MICU2: variants seen among roughly 807,000 people sequenced by gnomAD.
MICU2 encodes the protein mitochondrial calcium uptake 2, also known as calcium uptake protein 2, mitochondrial.
In MICU2, 64 loss-of-function variants were observed where a neutral mutation model predicts 60.4. The observed-to-expected ratio is 1.06, with a 90% CI of 0.87 to 1.31. The LOEUF (loss-of-function observed/expected upper bound fraction) is 1.31. MICU2 is among the 50% of genes most tolerant of loss of function. The pLI, the probability that MICU2 is intolerant of heterozygous loss-of-function variation, is 0.00. For synonymous variants in MICU2, 201 were observed against 175.0 expected, an observed-to-expected ratio of 1.15 and a Z score of -1.17; for missense variants, 569 against 531.0, an observed-to-expected ratio of 1.07 and a Z score of -0.70.
chr13:21,582,022 C>T (rs1001246174), intron 1 of MICU2, among the ~76,000 whole-genome samples: 2 of 152,168 alleles, frequency 1.3e-5, no homozygotes, highest in African/African-American at 4.8e-5. Context: ...GCAACAAAGC[C>T]ACTGCGGGGT....
chr13:21,520,700 G>A (rs2138164563), intron 6 of MICU2, among the ~76,000 whole-genome samples: 1 of 151,600 alleles, frequency 6.6e-6, no homozygotes, highest in East Asian at 1.9e-4. Flanking sequence ...TTTGGGAACG[G>A]AGTCAAATTT....
intron 2 of MICU2, among the ~76,000 whole-genome samples, chr13:21,549,159 G>C (rs1276700182): frequency 6.6e-6 from 1 of 151,848 alleles, no homozygotes; most frequent in African/African-American, 2.4e-5. Flanking sequence ...TTGATCTCCT[G>C]ACCTCGTGAT....
chr13:21,548,276 G>A (rs1887462384), intron 2 of MICU2, among the ~76,000 whole-genome samples: 2 of 152,174 alleles, frequency 1.3e-5, no homozygotes, highest in Admixed American at 1.3e-4. Context: ...CTGAATGGTG[G>A]TGACAATCTG....
intron 4 of MICU2, among the ~76,000 whole-genome samples, chr13:21,536,219 G>C (rs981564413): frequency 2.6e-5 from 4 of 152,022 alleles, no homozygotes; most frequent in African/African-American, 7.2e-5. Context: ...TACAGAAATA[G>C]ATATTTATCA....
chr13:21,583,166 G>A (rs1422429655), intron 1 of MICU2, among the ~76,000 whole-genome samples: 2 of 152,168 alleles, frequency 1.3e-5, no homozygotes, highest in African/African-American at 2.4e-5. Flanking sequence ...GAGGAGGGAG[G>A]CCTGCTTGGG....
At chr13:21,553,022 G>A (rs1303675697) in intron 2 of MICU2, among the ~76,000 whole-genome samples, 1 of 152,164 alleles carries the variant, frequency 6.6e-6, no homozygotes, top group Admixed American at 6.5e-5. Flanking sequence ...ACCTGGGGCA[G>A]TATGGCCATT....
intron 1 of MICU2, among the ~76,000 whole-genome samples, chr13:21,585,412 C>T (rs1030042080): frequency 6.6e-6 from 1 of 152,290 alleles, no homozygotes; most frequent in Middle Eastern, 3.4e-3. Flanking sequence ...AAGTTTACTG[C>T]TCTTGGCCTA....
intron 5 of MICU2, 67 bp from the exon 6 acceptor site, chr13:21,521,394 T>C: frequency 7.6e-7 from 1 of 1,312,300 alleles, no homozygotes; most frequent in Non-Finnish European, 1.1e-6. Context: ...GATAGATAGG[T>C]CTTCAAATTT....
intron 4 of MICU2, among the ~76,000 whole-genome samples, chr13:21,533,667 C>T (rs540755735): frequency 1.3e-5 from 2 of 152,100 alleles, no homozygotes; most frequent in South Asian, 4.2e-4. Flanking sequence ...TTAATACTGC[C>T]AGAATCAGAT....
chr13:21,502,487 A>G (rs1227964973), intron 9 of MICU2, among the ~76,000 whole-genome samples: 1 of 152,180 alleles, frequency 6.6e-6, no homozygotes, highest in Non-Finnish European at 1.5e-5. Flanking sequence ...CTGCTTATAT[A>G]TTAGCATTGT....
chr13:21,500,417 A>ATTTTTTTTTTTTTTTT (rs10608018), intron 9 of MICU2, among the ~76,000 whole-genome samples: 1 of 124,960 alleles, frequency 8.0e-6, no homozygotes, highest in African/African-American at 3.0e-5. Flanking sequence ...ATACCTACTG[A>ATTTTTTTTTTTTTTTT]TTTTTTTTTT....
chr13:21,514,295 C>T, intron 7 of MICU2, 58 bp downstream of exon 7: 2 of 1,414,624 alleles, frequency 1.4e-6, no homozygotes, highest in Non-Finnish European at 2.0e-6. Context: ...AATATCTGAA[C>T]AAACAAAATA....
chr13:21,559,161 C>T (rs1887779072), intron 2 of MICU2, among the ~76,000 whole-genome samples: 2 of 152,142 alleles, frequency 1.3e-5, no homozygotes, highest in Non-Finnish European at 2.9e-5. Flanking sequence ...AAAGGAAGGT[C>T]TTAAAATTTT....
chr13:21,595,787 G>T (rs1179008127), intron 1 of MICU2, among the ~76,000 whole-genome samples: 1 of 152,240 alleles, frequency 6.6e-6, no homozygotes, highest in African/African-American at 2.4e-5. Context: ...CTTGGAAAAG[G>T]CTCAATCCCT....
At chr13:21,591,922 A>G (rs918812277) in intron 1 of MICU2, among the ~76,000 whole-genome samples, 5 of 152,196 alleles carry the variant, frequency 3.3e-5, no homozygotes, top group Non-Finnish European at 5.9e-5. Flanking sequence ...AAAAATCTCA[A>G]ATCAACACCC....
At chr13:21,513,766 A>G (rs1433251472) in intron 7 of MICU2, among the ~76,000 whole-genome samples, 3 of 145,394 alleles carry the variant, frequency 2.1e-5, no homozygotes, top group African/African-American at 5.0e-5. Context: ...AAAAAAAAAG[A>G]CAACTTTACA....
intron 1 of MICU2, among the ~76,000 whole-genome samples, chr13:21,595,551 C>A (rs1024548926): frequency 2.6e-5 from 4 of 152,260 alleles, no homozygotes; most frequent in African/African-American, 9.6e-5. Context: ...CACAACCCAC[C>A]AGGCTGCAGC....
At chr13:21,524,902 T>A (rs1014051434) in intron 4 of MICU2, among the ~76,000 whole-genome samples, 1 of 152,234 alleles carries the variant, frequency 6.6e-6, no homozygotes, top group Non-Finnish European at 1.5e-5. Flanking sequence ...CTTATTTCAC[T>A]TGGCATAATG....
intron 9 of MICU2, among the ~76,000 whole-genome samples, chr13:21,499,993 T>C (rs1245248703): frequency 2.0e-5 from 3 of 152,184 alleles, no homozygotes; most frequent in South Asian, 2.1e-4. Context: ...CTTTGCTTAC[T>C]GTCCAGTATC....
Sources: allele counts gnomAD v4.1 joint callset (sites outside exome capture counted in the v4.1 genomes callset), GRCh38; gene constraint gnomAD v4.1.1; transcripts MANE v1.5; gene names NCBI Gene and HGNC (gene_info 2026-07-23, HGNC 2026-07-21).